Variants in GALNT13 observed in about 807,000 individuals in gnomAD.
GALNT13 encodes UDP-GalNAc:polypeptide N-acetylgalactosaminyltransferase 13.
GALNT13 carries 28 observed loss-of-function variants against 64.2 expected under a neutral mutation model. The observed-to-expected ratio is 0.44, with a 90% CI of 0.32 to 0.60. The LOEUF (loss-of-function observed/expected upper bound fraction) is 0.60. Among genes scored for constraint, GALNT13 ranks in the 20% least tolerant of loss-of-function variants. GALNT13 has a pLI of 0.05. For synonymous variants in GALNT13, 214 were observed against 224.6 expected (o/e 0.95, Z 0.42); for missense variants, 577 against 669.8 (o/e 0.86, Z 1.53).
chr2:153,269,744 A>G, the GALNT13 span, among the ~76,000 whole-genome samples: 1 of 151,978 alleles, frequency 6.6e-6, no homozygotes, highest in Admixed American at 6.6e-5. Context: ...ACACTTCTTC[A>G]TGGCTCAGGG....
chr2:153,964,340 T>C (rs1693173654), intron 3 of GALNT13, among the ~76,000 whole-genome samples: 1 of 152,120 alleles, frequency 6.6e-6, no homozygotes, highest in Non-Finnish European at 1.5e-5. Context: ...TCCCAGATAC[T>C]TGGGAGCCTG....
Position 153,909,329 on chromosome 2 carries a change from T to C in GALNT13, c.-105+8322T>C, listed in dbSNP as rs184963067. On this transcript the variant is annotated intron_variant, in intron 2 of 12. Transcript: ENST00000392825. ...GCTGAGGTTTATCAGTTTAAGGAGC[T>C]TTCAAGCTGAGATTGTGGGGTTTTC... is the stretch of plus-strand genomic sequence containing the variant. 1.6e-3 allele frequency among the ~76,000 whole-genome samples: 250 copies of C among 152,238 alleles called. 1 individual carries two copies. Among genetic ancestry groups the C allele is most frequent in the Middle Eastern group, 6.8e-3 (2 of 294 alleles).
At chr2:154,161,251 C>A (rs1684708249) in intron 4 of GALNT13, among the ~76,000 whole-genome samples, 1 of 152,138 alleles carries the variant, frequency 6.6e-6, no homozygotes, top group South Asian at 2.1e-4. Flanking sequence ...CAACTGTATT[C>A]CCATTGTCTA....
chr2:153,738,434 A>G, the GALNT13 span, among the ~76,000 whole-genome samples: 1 of 152,082 alleles, frequency 6.6e-6, no homozygotes, highest in East Asian at 1.9e-4. Flanking sequence ...TTATTTAGCA[A>G]CTTCTGAAAT....
rs1041368233 is a variant in GALNT13, at chr2:154,113,837, G to T, written c.143-26500G>T. Reference sequence around the variant, plus strand: ...TAAAGGTGCATTGCTGGCCTTGCCAGCTGAAGGCCAATTGCTTCTGGTGGG... The same window carrying T: ...TAAAGGTGCATTGCTGGCCTTGCCATCTGAAGGCCAATTGCTTCTGGTGGG... On this transcript the variant is annotated intron_variant, in intron 3 of 12. Transcript: ENST00000392825. Among the ~76,000 whole-genome samples the T allele has an allele frequency of 9.8e-5, 15 of 152,366 alleles. 1 individual carries two copies. Among genetic ancestry groups the T allele is most frequent in the Admixed American group, 8.5e-4 (13 of 15,308 alleles).
the GALNT13 span, among the ~76,000 whole-genome samples, chr2:153,853,138 C>A: frequency 6.6e-6 from 1 of 152,146 alleles, no homozygotes; most frequent in African/African-American, 2.4e-5. Flanking sequence ...AAGCATCTAG[C>A]ACGAGAGAAT....
intron 3 of GALNT13, among the ~76,000 whole-genome samples, chr2:154,003,895 A>G (rs1696077009): frequency 6.6e-6 from 1 of 152,092 alleles, no homozygotes; most frequent in Non-Finnish European, 1.5e-5. Flanking sequence ...AAGTTTCCTG[A>G]GGCCTCCCCA....
At chr2:154,291,906 ATCT>A (rs1265519032) in intron 8 of GALNT13, among the ~76,000 whole-genome samples, 1 of 152,238 alleles carries the variant, frequency 6.6e-6, no homozygotes, top group Non-Finnish European at 1.5e-5. Context: ...TTTGAGATAA[ATCT>A]TCTGATGCCC....
At chr2:153,961,294 A>G (rs1692925607) in intron 3 of GALNT13, among the ~76,000 whole-genome samples, 1 of 152,192 alleles carries the variant, frequency 6.6e-6, no homozygotes, top group South Asian at 2.1e-4. Flanking sequence ...TACTATTAGG[A>G]GGAGAGAGAC....
At chr2:154,360,708 G>A (rs1476042428) in intron 9 of GALNT13, among the ~76,000 whole-genome samples, 3 of 152,032 alleles carry the variant, frequency 2.0e-5, no homozygotes, top group Admixed American at 6.6e-5. Context: ...TATTGAGCAC[G>A]TATGTTGTAC....
At chr2:153,580,326 A>C in the GALNT13 span, among the ~76,000 whole-genome samples, 1 of 152,038 alleles carries the variant, frequency 6.6e-6, no homozygotes, top group Admixed American at 6.6e-5. Flanking sequence ...AACATTTTCT[A>C]ACACCAAAAT....
chr2:153,959,279 AG>A (rs1255292275), intron 3 of GALNT13, among the ~76,000 whole-genome samples: 1 of 152,108 alleles, frequency 6.6e-6, no homozygotes, highest in African/African-American at 2.4e-5. Flanking sequence ...GGGGGCAATC[AG>A]GGGGCAGCCA....
intron 9 of GALNT13, among the ~76,000 whole-genome samples, chr2:154,326,171 G>A (rs1190233587): frequency 6.6e-6 from 1 of 152,064 alleles, no homozygotes; most frequent in African/African-American, 2.4e-5. Flanking sequence ...GATAAAAATT[G>A]CTTGTTCTCA....
At chr2:153,104,069 G>T in the GALNT13 span, among the ~76,000 whole-genome samples, 1 of 152,226 alleles carries the variant, frequency 6.6e-6, no homozygotes. Flanking sequence ...TTAGCTCAAT[G>T]CCTTCACAAC....
At chr2:154,046,100 G>A (rs1183537205) in intron 3 of GALNT13, among the ~76,000 whole-genome samples, 2 of 151,842 alleles carry the variant, frequency 1.3e-5, no homozygotes, top group African/African-American at 2.4e-5. Context: ...TTGAGACCAG[G>A]AGTTGGAGAC....
In GALNT13 at chr2:154,366,811, A is replaced by C. The variant is rs955041436; in HGVS notation, c.1157-29180A>C. 5.9e-5 allele frequency among the ~76,000 whole-genome samples: 9 copies of C among 152,288 alleles called. No individual in the cohort carries two copies. The Middle Eastern group carries it at 0.01, about 173-fold the overall frequency. On this transcript the variant is annotated intron_variant, in intron 9 of 12. Transcript: ENST00000392825. ...GGGAAGGCGGAAAGTATAGTTACACAAAAAAGCAAGTCTAAGTTTCAATCA... is the reference window on the plus strand; with the variant it reads ...GGGAAGGCGGAAAGTATAGTTACACCAAAAAGCAAGTCTAAGTTTCAATCA...
intron 3 of GALNT13, among the ~76,000 whole-genome samples, chr2:153,948,224 T>C (rs149152719): frequency 9.1e-5 from 10 of 110,334 alleles, no homozygotes; most frequent in African/African-American, 3.6e-4. Context: ...AGAATGTTAA[T>C]GGCAATTTAA....
At chr2:153,188,934 T>C in the GALNT13 span, among the ~76,000 whole-genome samples, 3,332 of 152,250 alleles carry the variant, frequency 0.022, 120 homozygotes, top group African/African-American at 0.076. Context: ...TAGGTTATAC[T>C]ATCACTACAA....
At chr2:153,895,113 AAG>A (rs1214487458) in intron 1 of GALNT13, among the ~76,000 whole-genome samples, 2 of 152,186 alleles carry the variant, frequency 1.3e-5, no homozygotes, top group Admixed American at 1.3e-4. Flanking sequence ...GGAATTAAAA[AAG>A]AGGGACTGAA....
Sources: gnomAD v4.1 joint callset for allele counts (sites outside exome capture counted in the v4.1 genomes callset) on GRCh38, gnomAD v4.1.1 for gene constraint, MANE v1.5 for transcripts, NCBI Gene and HGNC (gene_info 2026-07-23, HGNC 2026-07-21) for gene names.